Variants in MYO19 observed in about 807,000 individuals in gnomAD.
MYO19 encodes the protein myosin XIX.
A neutral mutation model predicts 129.2 loss-of-function variants in MYO19; 132 were observed. The observed-to-expected ratio is 1.02, with a 90% confidence interval of 0.89 to 1.18. The LOEUF (loss-of-function observed/expected upper bound fraction) is 1.18. MYO19 is among the 50% of genes most tolerant of loss of function. The probability of loss-of-function intolerance (pLI) is 0.00; values close to 1 mark genes in which losing one functional copy is unlikely to be tolerated. For missense variants in MYO19, 1,210 were observed against 1,216.7 expected (o/e 0.99, Z 0.08); for synonymous variants, 531 against 477.2 (o/e 1.11, Z -1.47).
chr17:36,499,418 G>T (rs1449815529), intron 23 of MYO19: 3 of 308,342 alleles, frequency 9.7e-6, no homozygotes, highest in East Asian at 6.6e-5. Context: ...CTGGCTGAGG[G>T]CCCAGCAATC....
At chr17:36,540,925 A>G (rs574893609) in intron 2 of MYO19, among the ~76,000 whole-genome samples, 2 of 152,350 alleles carry the variant, frequency 1.3e-5, no homozygotes, top group African/African-American at 2.4e-5. Flanking sequence ...AGTGAGGAGT[A>G]AGAAGAACAT....
At chr17:36,513,869 T>C (rs886728590) in intron 9 of MYO19, 144 bp from the exon 10 acceptor site, 11 of 682,302 alleles carry the variant, frequency 1.6e-5, no homozygotes, top group African/African-American at 3.6e-5. Context: ...CCACGGCAGG[T>C]ATGGGGGCAA....
upstream of MYO19, chr17:36,538,752 G>A (rs1194868246): frequency 3.9e-6 from 3 of 770,030 alleles, no homozygotes; most frequent in African/African-American, 1.8e-5. Context: ...CAGCAGTGAT[G>A]CTTAATTATT....
intron 19 of MYO19, 133 bp from the exon 20 acceptor site, chr17:36,504,153 G>C: frequency 1.6e-6 from 1 of 616,548 alleles, no homozygotes; most frequent in Admixed American, 3.5e-5. Flanking sequence ...TGGCTAATGG[G>C]GGTATCTCCT....
At chr17:36,520,732 C>G (rs1163243224) in intron 6 of MYO19, among the ~76,000 whole-genome samples, 2 of 152,178 alleles carry the variant, frequency 1.3e-5, no homozygotes, top group Non-Finnish European at 2.9e-5. Flanking sequence ...TTTCATTTCT[C>G]TAGCTTATTT....
In MYO19 at chr17:36,507,062, G is replaced by GC; in HGVS notation, c.1544dup (p.Cys515TrpfsTer6). ...CCCGGCTGAGCTTATTGTGGCCCAG[G>GC]CAGGGGCTGCCTGCCAGGGCAGTCT... On this transcript the variant is annotated frameshift_variant, in exon 17 of 26. Coordinates refer to ENST00000614623, the MANE Select transcript of MYO19 (RefSeq NM_001163735.2). LOFTEE classifies it high-confidence loss of function. The GC allele has an allele frequency of 6.2e-7, 1 of 1,613,650 alleles. No individual in the cohort carries two copies.
Position 36,540,596 on chromosome 17 carries a change from C to T in MYO19, n.395+1485G>A, listed in dbSNP as rs1001605551. Among the ~76,000 whole-genome samples the T allele has an allele frequency of 1.4e-3, 207 of 152,142 alleles. 1 individual carries two copies. Among genetic ancestry groups the T allele is most frequent in the African/African-American group, 4.8e-3 (200 of 41,412 alleles). On this transcript the variant is annotated intron_variant and non_coding_transcript_variant, in intron 2 of 2. Transcript: ENST00000610496. ...ATGTTGGCCAGGCCAGTCTCGAACTCCTGTCCTCAAGTGATCCGCCCACCT... is the reference window on the plus strand; with the variant it reads ...ATGTTGGCCAGGCCAGTCTCGAACTTCTGTCCTCAAGTGATCCGCCCACCT...
rs1451963318 is a variant in MYO19, at chr17:36,507,013, A to G, written c.1594T>C (p.Tyr532His). 6.2e-7 allele frequency: 1 copy of G among 1,613,174 alleles called. No individual in the cohort carries two copies. Among genetic ancestry groups the G allele is most frequent in the Non-Finnish European group, 8.5e-7 (1 of 1,179,332 alleles). The change falls in exon 17 of 26, where the codon TAT becomes CAT. Residue 532 changes from tyrosine (Y) to histidine (H), a missense_variant. Transcript: ENST00000614623. ...GTGTGGTACCGCACAGGCCCCGCAT[A>G]ATGCACCACAATGAAGCTGGGCTCC... ...SREPSFIVVHYAGPVRYHTAG... is the reference protein window; with the variant it reads ...SREPSFIVVHHAGPVRYHTAG...
intron 21 of MYO19, chr17:36,502,861 G>C: frequency 1.8e-6 from 1 of 569,750 alleles, no homozygotes; most frequent in Non-Finnish European, 3.1e-6. Context: ...ACCTCTTCCA[G>C]GAAGCCTTCC....
chr17:36,504,990 T>C (rs776563451), intron 19 of MYO19: 10 of 543,488 alleles, frequency 1.8e-5, no homozygotes, highest in South Asian at 1.2e-4. Context: ...TGTGGTGATG[T>C]AGACTTTCAG....
intron 11 of MYO19, among the ~76,000 whole-genome samples, chr17:36,512,105 C>G (rs2072372130): frequency 6.6e-6 from 1 of 152,014 alleles, no homozygotes; most frequent in African/African-American, 2.4e-5. Flanking sequence ...AATTCCAGCA[C>G]TCTGGGAGGC....
chr17:36,510,390 C>G (rs1281328373), intron 13 of MYO19, among the ~76,000 whole-genome samples: 1 of 152,236 alleles, frequency 6.6e-6, no homozygotes, highest in Non-Finnish European at 1.5e-5. Context: ...GGATCTGAAG[C>G]AGGAACTGCG....
intron 23 of MYO19, 29 bp downstream of exon 23, chr17:36,500,801 C>T: frequency 2.5e-6 from 4 of 1,582,898 alleles, no homozygotes; most frequent in Non-Finnish European, 3.4e-6. Flanking sequence ...GGTCTGTGAG[C>T]AGTGCTGACA....
intron 9 of MYO19, 106 bp downstream of exon 9, chr17:36,514,340 T>C (rs1403357797): frequency 2.7e-6 from 2 of 748,598 alleles, no homozygotes; most frequent in Non-Finnish European, 4.8e-6. Flanking sequence ...CATCAAAAGC[T>C]AGGTGAAGGA....
At chr17:36,531,098 T>TA (rs1014300973) in intron 3 of MYO19, among the ~76,000 whole-genome samples, 14 of 151,310 alleles carry the variant, frequency 9.3e-5, no homozygotes, top group African/African-American at 2.7e-4. Context: ...CAAAAATTAT[T>TA]AAAAAAAATT....
At position 36,532,546 on chromosome 17, in the gene MYO19, CAA is replaced by C. The variant is rs1212258972; in HGVS notation, c.-10_-9del. ...TTTTACCTGCTGGAGCATCCTCCTT[CAA>C]AGTGGTCAGCCAGGGTTCTGGGTTG... On this transcript the variant is annotated 5_prime_UTR_variant, in exon 3 of 26. Transcript: ENST00000614623. 1 of 1,554,544 alleles carries C rather than the reference CAA, an allele frequency of 6.4e-7. No homozygotes were observed. The highest frequency in any genetic ancestry group is 2.0e-5 in the Admixed American group (1 of 51,192).
chr17:36,498,217 CCTG>C, intron 25 of MYO19, 46 bp downstream of exon 25: 2 of 1,573,278 alleles, frequency 1.3e-6, no homozygotes, highest in African/African-American at 1.3e-5. Flanking sequence ...AGGCTTTGCT[CCTG>C]CTGTTCTCAG....
At chr17:36,513,796 G>A (rs2072540395) in intron 9 of MYO19, 71 bp from the exon 10 acceptor site, 1 of 1,381,198 alleles carries the variant, frequency 7.2e-7, no homozygotes, top group Non-Finnish European at 1.0e-6. Context: ...AGGCAGGCAT[G>A]GGGTTGGGAT....
chr17:36,507,607 C>T, intron 15 of MYO19, 95 bp from the exon 16 acceptor site: 1 of 1,391,660 alleles, frequency 7.2e-7, no homozygotes. Flanking sequence ...CAGCGTATTC[C>T]AGAACAGCAT....
Sources: allele counts gnomAD v4.1 joint callset (sites outside exome capture counted in the v4.1 genomes callset), GRCh38; gene constraint gnomAD v4.1.1; transcripts MANE v1.5; gene names NCBI Gene and HGNC (gene_info 2026-07-23, HGNC 2026-07-21).